Variants in GLMN observed in about 807,000 individuals in gnomAD.
The protein encoded by GLMN is glomulin.
Under a neutral mutation model 87.8 loss-of-function variants are expected in GLMN, and 75 were observed. The ratio of observed to expected loss-of-function variants is 0.85; its 90% CI spans 0.71 to 1.04. GLMN has a LOEUF of 1.04. Ranked by LOEUF, GLMN falls within the 50% of genes least tolerant of loss-of-function variation. The pLI is 0.00. For synonymous variants in GLMN, 206 were observed against 221.6 expected, an observed-to-expected ratio of 0.93 and a Z score of 0.63; for missense variants, 588 against 658.8, an observed-to-expected ratio of 0.89 and a Z score of 1.18.
At chr1:92,345,400 A>AAG in the GLMN span, among the ~76,000 whole-genome samples, 7 of 138,314 alleles carry the variant, frequency 5.1e-5, no homozygotes, top group African/African-American at 1.1e-4. Context: ...AAAAAAAAAA[A>AAG]AGAGAGAGAG....
chr1:92,369,614 T>C, the GLMN span, among the ~76,000 whole-genome samples: 1 of 152,160 alleles, frequency 6.6e-6, no homozygotes, highest in Non-Finnish European at 1.5e-5. Context: ...CTGGATTTAT[T>C]TGATATTCAC....
At chr1:92,259,732 C>CTTTTTTTTT (rs58390058) in intron 16 of GLMN, among the ~76,000 whole-genome samples, 1 of 108,190 alleles carries the variant, frequency 9.2e-6, no homozygotes, top group Non-Finnish European at 1.8e-5. Flanking sequence ...TTTTTTCTTT[C>CTTTTTTTTT]TTTTTTTTTT....
chr1:92,264,063 C>G (rs1655333889), intron 14 of GLMN, among the ~76,000 whole-genome samples: 1 of 152,184 alleles, frequency 6.6e-6, no homozygotes, highest in African/African-American at 2.4e-5. Context: ...CACCTGTAAT[C>G]CCAGCATTTT....
intron 3 of GLMN, 27 bp downstream of exon 3, chr1:92,297,377 A>G (rs1277017138): frequency 6.2e-7 from 1 of 1,609,608 alleles, no homozygotes; most frequent in East Asian, 2.2e-5. Flanking sequence ...CCCAAGACTG[A>G]AAAGTAAACA....
upstream of GLMN, chr1:92,301,738 A>C: frequency 2.5e-6 from 1 of 405,288 alleles, no homozygotes; most frequent in Admixed American, 4.5e-5. Flanking sequence ...TGCATTTAAA[A>C]ATAAACAACT....
the GLMN span, among the ~76,000 whole-genome samples, chr1:92,339,007 A>C: frequency 6.6e-6 from 1 of 152,192 alleles, no homozygotes; most frequent in Admixed American, 6.5e-5. Context: ...TGCTGTACAT[A>C]TCAGAAAAGA....
At chr1:92,305,884 G>T in the GLMN span, among the ~76,000 whole-genome samples, 19 of 152,176 alleles carry the variant, frequency 1.2e-4, no homozygotes, top group African/African-American at 4.1e-4. Context: ...CTTGGCATTT[G>T]TCTGGTGAAG....
intron 9 of GLMN, 152 bp downstream of exon 9, chr1:92,269,571 T>G: frequency 1.6e-6 from 1 of 631,026 alleles, no homozygotes; most frequent in South Asian, 1.8e-5. Context: ...GACTCATTTC[T>G]GTCTCTCTCG....
At chr1:92,283,340 A>G (rs1313340339) in intron 7 of GLMN, among the ~76,000 whole-genome samples, 1 of 152,236 alleles carries the variant, frequency 6.6e-6, no homozygotes, top group African/African-American at 2.4e-5. Flanking sequence ...AACGTAATCT[A>G]TCACATAAAC....
chr1:92,305,813 G>A, the GLMN span, among the ~76,000 whole-genome samples: 1 of 152,186 alleles, frequency 6.6e-6, no homozygotes, highest in Non-Finnish European at 1.5e-5. Context: ...AATTGCGAAT[G>A]TTAGGAAATC....
chr1:92,355,728 G>A, the GLMN span, among the ~76,000 whole-genome samples: 10 of 152,078 alleles, frequency 6.6e-5, no homozygotes, highest in Admixed American at 2.0e-4. Context: ...TCCAAAATCC[G>A]AAACTTTTTC....
intron 3 of GLMN, among the ~76,000 whole-genome samples, chr1:92,292,300 C>T (rs1649495112): frequency 6.6e-6 from 1 of 152,196 alleles, no homozygotes; most frequent in South Asian, 2.1e-4. Context: ...GTCTCTAATC[C>T]CAGCACCTTA....
At chr1:92,363,007 C>A in the GLMN span, among the ~76,000 whole-genome samples, 1 of 152,096 alleles carries the variant, frequency 6.6e-6, no homozygotes, top group East Asian at 1.9e-4. Flanking sequence ...CAAGGTTATA[C>A]ATTGAGATAG....
At chr1:92,350,747 C>T in the GLMN span, among the ~76,000 whole-genome samples, 9 of 152,138 alleles carry the variant, frequency 5.9e-5, no homozygotes, top group East Asian at 3.9e-4. Flanking sequence ...GCCTGGCCAA[C>T]GTGGTGAAAC....
upstream of GLMN, chr1:92,301,621 T>G: frequency 1.1e-6 from 1 of 950,538 alleles, no homozygotes. Flanking sequence ...TTATTAGTTT[T>G]GTAGTATAAC....
the GLMN span, among the ~76,000 whole-genome samples, chr1:92,355,781 T>A: frequency 2.0e-5 from 3 of 152,198 alleles, no homozygotes; most frequent in Admixed American, 6.5e-5. Flanking sequence ...TTGGAGTGTT[T>A]CAGATTTTGG....
the GLMN span, among the ~76,000 whole-genome samples, chr1:92,329,518 C>T: frequency 1.3e-5 from 2 of 152,212 alleles, no homozygotes; most frequent in African/African-American, 4.8e-5. Context: ...CCCCAGGCTA[C>T]AGGCCTCCCA....
chr1:92,287,392 G>A (rs527938715), intron 6 of GLMN, among the ~76,000 whole-genome samples: 4 of 152,220 alleles, frequency 2.6e-5, no homozygotes, highest in East Asian at 1.9e-4. Context: ...CCAGGCTGGA[G>A]TACAGTGGCA....
In GLMN at chr1:92,298,804, G is replaced by C. The variant is rs1311548752; in HGVS notation, c.-31+121C>G. On this transcript the variant is annotated intron_variant, in intron 1 of 18. Coordinates refer to ENST00000370360, the MANE Select transcript of GLMN (RefSeq NM_053274.3). ...AAGCCATGTCTTCCGATTCCTGCTC[G>C]CCTAGGTGGGCAGGCTCCACCACCT... is the stretch of plus-strand genomic sequence containing the variant. The C allele has an allele frequency of 1.4e-5, 5 of 359,418 alleles. No homozygotes were observed. In the Admixed American group the frequency reaches 1.9e-4, roughly 13 times the overall value. 22.3% of individuals were successfully genotyped at this position (359,418 alleles called of 1,614,324 possible).
Sources: allele counts gnomAD v4.1 joint callset (sites outside exome capture counted in the v4.1 genomes callset), GRCh38; gene constraint gnomAD v4.1.1; transcripts MANE v1.5; gene names NCBI Gene and HGNC (gene_info 2026-07-23, HGNC 2026-07-21).